The following GOLM1 variants were observed in gnomAD, a reference collection of about 807,000 sequenced individuals.
The protein encoded by GOLM1 is epididymis luminal protein 46.
GOLM1 carries 31 observed loss-of-function variants against 50.5 expected under a neutral mutation model. The observed-to-expected ratio is 0.61, with a 90% CI of 0.46 to 0.83. GOLM1 has a LOEUF of 0.83. Among genes scored for constraint, GOLM1 ranks in the 40% least tolerant of loss-of-function variants. The pLI is 0.00. For missense variants in GOLM1, 491 were observed against 501.3 expected, an observed-to-expected ratio of 0.98 and a Z score of 0.20; for synonymous variants, 178 against 192.8, an observed-to-expected ratio of 0.92 and a Z score of 0.64.
chr9:86,049,394 C>G (rs573786745), intron 4 of GOLM1, among the ~76,000 whole-genome samples: 2 of 152,232 alleles, frequency 1.3e-5, no homozygotes, highest in East Asian at 1.9e-4. Flanking sequence ...GTAGTTTTTT[C>G]CAATTCTGTG....
In GOLM1 at chr9:86,032,644, C is replaced by G. The variant is rs139060709; in HGVS notation, c.1129+638G>C. The stretch of plus-strand genomic sequence containing the variant: ...TTCATCAATGGATGGTAAAGCTACA[C>G]AAGTTCAAAGCATCCTCTTCTAGAT... On this transcript the variant is annotated intron_variant, in intron 9 of 9. Transcript: ENST00000388712. Among the ~76,000 whole-genome samples, 825 of 152,268 alleles carry G rather than the reference C, an allele frequency of 5.4e-3. 9 individuals carry two copies. Among genetic ancestry groups the G allele is most frequent in the African/African-American group, 0.019 (797 of 41,540 alleles).
chr9:86,048,061 C>T (rs1301577069), intron 4 of GOLM1, among the ~76,000 whole-genome samples: 1 of 125,718 alleles, frequency 8.0e-6, no homozygotes, highest in Non-Finnish European at 1.6e-5. Flanking sequence ...CCCAGATGTT[C>T]CTTGCCCTGT....
At chr9:86,095,652 G>A (rs1835336361) in intron 1 of GOLM1, among the ~76,000 whole-genome samples, 1 of 152,136 alleles carries the variant, frequency 6.6e-6, no homozygotes, top group Non-Finnish European at 1.5e-5. Context: ...TGGCTGCCTG[G>A]AAGATTATGC....
chr9:86,056,033 GATCTCCTGGGTAAATAATATCTTTCAC>G (rs1264014330), intron 3 of GOLM1, among the ~76,000 whole-genome samples: 1 of 152,110 alleles, frequency 6.6e-6, no homozygotes, highest in Non-Finnish European at 1.5e-5. Context: ...CCCCAGAGTT[GATCTCCTGGGTAAATAATATCTTTCAC>G]ATCTCCTGGG....
chr9:86,032,195 T>A (rs1833007979), intron 9 of GOLM1, among the ~76,000 whole-genome samples: 1 of 152,126 alleles, frequency 6.6e-6, no homozygotes, highest in Non-Finnish European at 1.5e-5. Context: ...GAGATGGATT[T>A]TCACTCTTGT....
intron 5 of GOLM1, among the ~76,000 whole-genome samples, chr9:86,045,952 G>T (rs970740588): frequency 1.3e-5 from 2 of 152,096 alleles, no homozygotes; most frequent in African/African-American, 4.8e-5. Context: ...TTGCAAACTG[G>T]CTTTTACTAT....
rs1480386278 is a variant in GOLM1 at position 86,035,877 on chromosome 9, ACAAAAC to A, written c.758-258_758-253del. Reference sequence around the variant, plus strand: ...GAAAAGTAGCTTACCAAAAAAAAAAACAAAACAAAAAAAAAAAAACACCTGGACTAA... The same window carrying A: ...GAAAAGTAGCTTACCAAAAAAAAAAAAAAAAAAAAAAAACACCTGGACTAA... On this transcript the variant is annotated intron_variant, in intron 7 of 9. Coordinates refer to ENST00000388712, the MANE Select transcript of GOLM1 (RefSeq NM_016548.4). Among the ~76,000 whole-genome samples, 91 of 125,270 alleles carry A rather than the reference ACAAAAC, an allele frequency of 7.3e-4. 1 individual carries two copies. The highest frequency in any genetic ancestry group is 3.6e-3 in the Middle Eastern group (1 of 274). The allele number at this position is 125,270 out of a possible 152,430, so 82.2% of individuals were successfully genotyped here. A position where few individuals can be genotyped will look rare whatever the true frequency, so the allele number is the denominator to read the frequency against.
chr9:86,030,571 A>G (rs1006028371), intron 9 of GOLM1, among the ~76,000 whole-genome samples: 29 of 152,338 alleles, frequency 1.9e-4, no homozygotes, highest in African/African-American at 6.5e-4. Flanking sequence ...ACCCTTCAAA[A>G]AAGACCAACA....
At chr9:86,075,513 T>C (rs567281112) in intron 3 of GOLM1, among the ~76,000 whole-genome samples, 1 of 152,298 alleles carries the variant, frequency 6.6e-6, no homozygotes, top group East Asian at 1.9e-4. Flanking sequence ...TCATTTCCAC[T>C]TGACAGTTGA....
At chr9:86,039,531 A>G (rs1564342283) in intron 6 of GOLM1, among the ~76,000 whole-genome samples, 1 of 152,216 alleles carries the variant, frequency 6.6e-6, no homozygotes, top group Non-Finnish European at 1.5e-5. Flanking sequence ...CAAAACATGG[A>G]AACACTCCAA....
chr9:86,062,139 C>T (rs1387406985), intron 3 of GOLM1, among the ~76,000 whole-genome samples: 1 of 152,206 alleles, frequency 6.6e-6, no homozygotes, highest in African/African-American at 2.4e-5. Context: ...AGGTAACATC[C>T]TCCCACCCCA....
chr9:86,035,373 C>T lies in GOLM1; in HGVS notation c.1010G>A (p.Gly337Glu). Residue 337 changes from glycine (G) to glutamate (E), a missense_variant, in exon 8 of 10, where the codon GGG (glycine) becomes GAG (glutamate). By Grantham distance (98) the Gly-to-Glu change is moderately conservative. Coordinates refer to ENST00000388712, the MANE Select transcript of GOLM1 (RefSeq NM_016548.4). ...DGQEEEQEAA[G>E]EGRNQQKLRG... ...CCCCGAAACTTCACACCCACCTTCC[C>T]CGGCAGCTTCCTGCTCCTCCTCCTG... 5 of 1,613,382 alleles carry T rather than the reference C, an allele frequency of 3.1e-6. No individual in the cohort carries two copies. The highest frequency in any genetic ancestry group is 3.4e-6 in the Non-Finnish European group (4 of 1,179,854).
chr9:86,053,838 A>G (rs1025725100), intron 3 of GOLM1, among the ~76,000 whole-genome samples: 17 of 145,792 alleles, frequency 1.2e-4, no homozygotes, highest in African/African-American at 4.3e-4. Flanking sequence ...ACCAAACCAC[A>G]CCACACCACA....
chr9:86,040,170 G>T (rs561046217), intron 6 of GOLM1, among the ~76,000 whole-genome samples: 2 of 152,228 alleles, frequency 1.3e-5, no homozygotes, highest in South Asian at 4.1e-4. Flanking sequence ...TGTGGTGATG[G>T]CTGCATAACT....
chr9:86,063,707 A>T (rs1263215580), intron 3 of GOLM1, among the ~76,000 whole-genome samples: 2 of 152,152 alleles, frequency 1.3e-5, no homozygotes, highest in East Asian at 3.9e-4. Flanking sequence ...CACTCAAGCA[A>T]TTTTCTGTGT....
chr9:86,049,303 G>C (rs577699230), intron 4 of GOLM1, among the ~76,000 whole-genome samples: 1 of 152,302 alleles, frequency 6.6e-6, no homozygotes, highest in Admixed American at 6.5e-5. Context: ...GTCACGTAGC[G>C]TAATGCCTCC....
intron 5 of GOLM1, among the ~76,000 whole-genome samples, chr9:86,044,649 A>C (rs976719070): frequency 4.6e-5 from 7 of 152,348 alleles, no homozygotes; most frequent in Middle Eastern, 3.4e-3. Flanking sequence ...TTTAAATTTA[A>C]AAATTAAAAA....
intron 3 of GOLM1, among the ~76,000 whole-genome samples, chr9:86,063,861 C>T (rs1834230589): frequency 6.6e-6 from 1 of 152,246 alleles, no homozygotes; most frequent in African/African-American, 2.4e-5. Flanking sequence ...GGATTTGGTT[C>T]TGTCCCATTA....
intron 1 of GOLM1, chr9:86,079,864 C>T (rs1296746305): frequency 1.3e-5 from 2 of 152,078 alleles, no homozygotes; most frequent in Non-Finnish European, 2.9e-5. Context: ...GTTTTTTTTA[C>T]CCTTGACAGG....
Sources: allele counts gnomAD v4.1 joint callset (sites outside exome capture counted in the v4.1 genomes callset), GRCh38; gene constraint gnomAD v4.1.1; transcripts MANE v1.5; gene names NCBI Gene and HGNC (gene_info 2026-07-23, HGNC 2026-07-21).